PRDM5: variants seen among roughly 807,000 people sequenced by gnomAD.
The protein encoded by PRDM5 is PR domain zinc finger protein 5.
A neutral mutation model predicts 81.2 loss-of-function variants in PRDM5; 56 were observed. That is an observed-to-expected ratio of 0.69 (90% CI 0.56 to 0.86). The LOEUF (loss-of-function observed/expected upper bound fraction) is 0.86, where lower values mean the gene tolerates loss of function less well. Among genes scored for constraint, PRDM5 ranks in the 40% least tolerant of loss-of-function variants. PRDM5 has a pLI of 0.00. For missense variants in PRDM5, 697 were observed against 770.1 expected, an observed-to-expected ratio of 0.91 and a Z score of 1.12; for synonymous variants, 267 against 256.4, an observed-to-expected ratio of 1.04 and a Z score of -0.39.
At chr4:120,828,456 C>T (rs940296415) in intron 3 of PRDM5, among the ~76,000 whole-genome samples, 1 of 151,966 alleles carries the variant, frequency 6.6e-6, no homozygotes, top group Admixed American at 6.6e-5. Flanking sequence ...AATCTAGAAC[C>T]TGAGGCTAGG....
intron 8 of PRDM5, among the ~76,000 whole-genome samples, chr4:120,806,138 C>T (rs2149307984): frequency 6.6e-6 from 1 of 152,252 alleles, no homozygotes; most frequent in Admixed American, 6.5e-5. Context: ...ATCCAACTTA[C>T]AAGGGATGTG....
intron 3 of PRDM5, among the ~76,000 whole-genome samples, chr4:120,851,959 T>C (rs1329040347): frequency 6.6e-6 from 1 of 152,166 alleles, no homozygotes; most frequent in Non-Finnish European, 1.5e-5. Flanking sequence ...TAGCTTTACT[T>C]CCTCTTCTGA....
At chr4:120,908,295 A>C (rs753184468) in intron 1 of PRDM5, among the ~76,000 whole-genome samples, 3 of 152,238 alleles carry the variant, frequency 2.0e-5, no homozygotes, top group Non-Finnish European at 4.4e-5. Flanking sequence ...GACAGTGGGA[A>C]TGAGTTGAAT....
At chr4:120,732,231 T>G (rs555788099) in intron 14 of PRDM5, among the ~76,000 whole-genome samples, 1 of 152,326 alleles carries the variant, frequency 6.6e-6, no homozygotes, top group Admixed American at 6.5e-5. Context: ...TATACACAGT[T>G]CATATGATCA....
chr4:120,916,300 T>G (rs567766612), intron 1 of PRDM5, among the ~76,000 whole-genome samples: 54 of 152,156 alleles, frequency 3.5e-4, no homozygotes, highest in South Asian at 2.7e-3. Context: ...GGCAGGAGAA[T>G]AGCTGGAACC....
At chr4:120,723,923 A>ATTTTTTTTTTTTTTTTTTTTTTT (rs70948360) in intron 14 of PRDM5, among the ~76,000 whole-genome samples, 3 of 81,278 alleles carry the variant, frequency 3.7e-5, no homozygotes, top group African/African-American at 1.6e-4. Context: ...GATAGCTTGA[A>ATTTTTTTTTTTTTTTTTTTTTTT]TTTTTTTTTT....
At chr4:120,916,420 T>TAAAC (rs1051728999) in intron 1 of PRDM5, among the ~76,000 whole-genome samples, 4 of 151,688 alleles carry the variant, frequency 2.6e-5, no homozygotes, top group Non-Finnish European at 5.9e-5. Flanking sequence ...AATAAATAAA[T>TAAAC]AAATAGCTAA....
chr4:120,834,057 GA>G (rs1578919413), intron 3 of PRDM5, among the ~76,000 whole-genome samples: 1 of 152,120 alleles, frequency 6.6e-6, no homozygotes, highest in Non-Finnish European at 1.5e-5. Flanking sequence ...GTTATTACAG[GA>G]AATTTGTAAA....
At chr4:120,729,921 T>C (rs983360654) in intron 14 of PRDM5, among the ~76,000 whole-genome samples, 7 of 152,222 alleles carry the variant, frequency 4.6e-5, no homozygotes, top group Non-Finnish European at 7.3e-5. Context: ...GAGGACCATG[T>C]ACTGAGGGAG....
At chr4:120,905,812 C>G (rs1219224224) in intron 2 of PRDM5, among the ~76,000 whole-genome samples, 2 of 152,104 alleles carry the variant, frequency 1.3e-5, no homozygotes, top group Non-Finnish European at 2.9e-5. Context: ...ATAATCTCTA[C>G]CTCCTACATG....
chr4:120,699,168 ATATATATATATATATATATATAT>A (rs1734963168), intron 15 of PRDM5, among the ~76,000 whole-genome samples: 4 of 29,188 alleles, frequency 1.4e-4, no homozygotes, highest in Admixed American at 8.9e-4. Context: ...ATAAATATAT[ATATATATATATATATATATATAT>A]ATATATATAT....
At chr4:120,878,254 T>A (rs1762516466) in intron 2 of PRDM5, among the ~76,000 whole-genome samples, 1 of 152,014 alleles carries the variant, frequency 6.6e-6, no homozygotes, top group Non-Finnish European at 1.5e-5. Context: ...GAAATATTCA[T>A]CAAAATAAAT....
intron 3 of PRDM5, among the ~76,000 whole-genome samples, chr4:120,846,902 G>C (rs530794123): frequency 3.9e-5 from 6 of 152,196 alleles, no homozygotes; most frequent in Admixed American, 3.3e-4. Context: ...GAATGAATGA[G>C]TTAAGTAACT....
At position 120,922,582 on chromosome 4, in the gene PRDM5, C is replaced by G; in HGVS notation, c.27G>C (p.Arg9Ser). 6.2e-7 allele frequency: 1 copy of G among 1,610,266 alleles called. No individual in the cohort carries two copies. The highest frequency in any genetic ancestry group is 8.5e-7 in the Non-Finnish European group (1 of 1,178,888). MLGMYVPD[R>S]FSLKSSRVQD... ...GAACCCGGGAGGACTTCAGGGAGAACCTGTCCGGCACGTACATGCCCAGCA... is the reference window on the plus strand; with the variant it reads ...GAACCCGGGAGGACTTCAGGGAGAAGCTGTCCGGCACGTACATGCCCAGCA... The change falls in exon 1 of 16, where the codon AGG (arginine) becomes AGC (serine). Residue 9 changes from arginine (R) to serine (S), a missense_variant. Transcript: ENST00000264808.
chr4:120,841,289 C>A (rs1255242234), intron 3 of PRDM5, among the ~76,000 whole-genome samples: 1 of 152,174 alleles, frequency 6.6e-6, no homozygotes, highest in Non-Finnish European at 1.5e-5. Context: ...TTTATACCTT[C>A]TTTTGAGTAG....
At chr4:120,793,066 G>A (rs1204111084) in intron 10 of PRDM5, among the ~76,000 whole-genome samples, 1 of 152,172 alleles carries the variant, frequency 6.6e-6, no homozygotes, top group African/African-American at 2.4e-5. Flanking sequence ...ATATCAGCCC[G>A]TAGCCTGTTA....
chr4:120,721,612 T>G (rs1207238610), intron 14 of PRDM5, among the ~76,000 whole-genome samples: 2 of 148,246 alleles, frequency 1.3e-5, no homozygotes, highest in Admixed American at 6.7e-5. Context: ...GCTAAGAAAT[T>G]TAGAGACTGT....
intron 1 of PRDM5, among the ~76,000 whole-genome samples, chr4:120,917,627 C>A (rs1181688246): frequency 1.3e-5 from 2 of 148,706 alleles, no homozygotes; most frequent in African/African-American, 2.5e-5. Context: ...AAAACAAGAC[C>A]TGAATAAATA....
intron 8 of PRDM5, among the ~76,000 whole-genome samples, chr4:120,805,653 C>G (rs1335165094): frequency 2.0e-5 from 3 of 152,126 alleles, no homozygotes; most frequent in Non-Finnish European, 4.4e-5. Flanking sequence ...ATTCAATAGC[C>G]CTTCATGCTA....
Sources: allele counts gnomAD v4.1 joint callset (sites outside exome capture counted in the v4.1 genomes callset), GRCh38; gene constraint gnomAD v4.1.1; transcripts MANE v1.5; gene names NCBI Gene and HGNC (gene_info 2026-07-23, HGNC 2026-07-21).